AUTS2: variants seen among roughly 807,000 people sequenced by gnomAD.
AUTS2 encodes autism susceptibility gene 2 protein.
AUTS2 carries 17 observed loss-of-function variants against 112.4 expected under a neutral mutation model. The ratio of observed to expected loss-of-function variants is 0.15; its 90% CI spans 0.10 to 0.23. The LOEUF is 0.23. AUTS2 is among the 10% of genes least tolerant of loss of function. The pLI, the probability that AUTS2 is intolerant of heterozygous loss-of-function variation, is 1.00. For missense variants in AUTS2, 1,510 were observed against 1,701.6 expected, an observed-to-expected ratio of 0.89 and a Z score of 1.98; for synonymous variants, 751 against 702.7, an observed-to-expected ratio of 1.07 and a Z score of -1.09.
At chr7:70,434,203 C>T (rs903559648) in intron 4 of AUTS2, among the ~76,000 whole-genome samples, 1 of 152,154 alleles carries the variant, frequency 6.6e-6, no homozygotes, top group Non-Finnish European at 1.5e-5. Context: ...ATCTCATTGG[C>T]CAAAGATGGG....
At chr7:70,461,633 A>G (rs1391701064) in intron 5 of AUTS2, among the ~76,000 whole-genome samples, 1 of 152,214 alleles carries the variant, frequency 6.6e-6, no homozygotes, top group East Asian at 1.9e-4. Context: ...TATGCCAGGA[A>G]TACGTTGCTA....
intron 1 of AUTS2, among the ~76,000 whole-genome samples, chr7:69,787,125 C>G (rs1789412258): frequency 1.3e-5 from 2 of 152,230 alleles, no homozygotes; most frequent in South Asian, 4.1e-4. Context: ...CTTTCCCTCT[C>G]TAATGGTTTT....
At chr7:69,888,005 G>A (rs568971427) in intron 1 of AUTS2, among the ~76,000 whole-genome samples, 14 of 152,126 alleles carry the variant, frequency 9.2e-5, no homozygotes, top group Non-Finnish European at 1.8e-4. Flanking sequence ...GTCTGTTTTT[G>A]TGTTGCTACA....
intron 2 of AUTS2, among the ~76,000 whole-genome samples, chr7:70,085,058 G>C (rs992478403): frequency 6.6e-6 from 1 of 152,018 alleles, no homozygotes; most frequent in Non-Finnish European, 1.5e-5. Flanking sequence ...AAACTTTTTT[G>C]TAGAGATAGG....
intron 4 of AUTS2, among the ~76,000 whole-genome samples, chr7:70,365,472 G>C (rs1792527425): frequency 6.6e-6 from 1 of 152,178 alleles, no homozygotes; most frequent in Admixed American, 6.5e-5. Context: ...ATATTCCAAT[G>C]ACACATATAA....
chr7:69,749,405 C>CT (rs1410573731), intron 1 of AUTS2, among the ~76,000 whole-genome samples: 1 of 152,212 alleles, frequency 6.6e-6, no homozygotes, highest in African/African-American at 2.4e-5. Flanking sequence ...GTTATCATTA[C>CT]TTTATTCCCT....
chr7:70,242,555 C>G (rs569933002), intron 4 of AUTS2, among the ~76,000 whole-genome samples: 29 of 152,298 alleles, frequency 1.9e-4, no homozygotes, highest in Admixed American at 1.7e-3. Context: ...AGTAGGCACT[C>G]AATTACTTCC....
intron 4 of AUTS2, among the ~76,000 whole-genome samples, chr7:70,295,425 T>C (rs1220136583): frequency 6.6e-6 from 1 of 152,244 alleles, no homozygotes; most frequent in African/African-American, 2.4e-5. Flanking sequence ...CTCCTACTGC[T>C]TAAACCTCCG....
chr7:69,880,927 A>AT, intron 1 of AUTS2, among the ~76,000 whole-genome samples: 1 of 152,204 alleles, frequency 6.6e-6, no homozygotes, highest in Non-Finnish European at 1.5e-5. Context: ...TGTCTCTAGA[A>AT]TTATTTGTAT....
At chr7:70,412,275 A>C (rs11972782) in intron 4 of AUTS2, among the ~76,000 whole-genome samples, 69,788 of 151,984 alleles carry the variant, frequency 0.46, 17,274 homozygotes, top group African/African-American at 0.65. Context: ...TTACCAGAAT[A>C]CCTGGGAGCA....
chr7:69,851,277 G>T (rs754687749), intron 1 of AUTS2, among the ~76,000 whole-genome samples: 9 of 152,166 alleles, frequency 5.9e-5, no homozygotes, highest in Non-Finnish European at 1.2e-4. Context: ...AAATCATATA[G>T]AGTGATTCCT....
intron 4 of AUTS2, among the ~76,000 whole-genome samples, chr7:70,343,224 C>T (rs1390884601): frequency 1.3e-5 from 2 of 152,174 alleles, no homozygotes; most frequent in Non-Finnish European, 2.9e-5. Context: ...CTCTCCAGTT[C>T]ACACTGAAAG....
Position 69,902,072 on chromosome 7 carries a change from GT to G in AUTS2, c.522+2583del, listed in dbSNP as rs368479943. ...GTGAAGACATTTATTTATTTTTAATGTTTTTTTTTCTTTAAAATTTTGTTTT... is the reference window on the plus strand; with the variant it reads ...GTGAAGACATTTATTTATTTTTAATGTTTTTTTTCTTTAAAATTTTGTTTT... On this transcript the variant is annotated intron_variant, in intron 2 of 18. Transcript: ENST00000342771. Among the ~76,000 whole-genome samples the G allele has an allele frequency of 3.6e-4, 55 of 151,228 alleles. 1 individual carries two copies. Among genetic ancestry groups the G allele is most frequent in the African/African-American group, 1.0e-3 (42 of 41,266 alleles).
rs900790027 is a variant in AUTS2, at chr7:70,764,794, A to G, written c.1257A>G (p.Pro419=). The change falls in exon 8 of 19, where the codon CCA becomes CCG. Residue 419 remains proline, a synonymous_variant. Transcript: ENST00000342771. Reference sequence around the variant, plus strand: ...CTCCAGCGAAGACTCAGCCCGCCCCACCTCACATCTCCCACCACCCCTCTG... The same window carrying G: ...CTCCAGCGAAGACTCAGCCCGCCCCGCCTCACATCTCCCACCACCCCTCTG... The part of the protein sequence containing the change: ...SSTPAKTQPA[P]PHISHHPSAS... 2.0e-5 allele frequency: 15 copies of G among 741,566 alleles called. No homozygotes were observed. Among genetic ancestry groups the G allele is most frequent in the Non-Finnish European group, 3.4e-5 (15 of 438,506 alleles). 45.9% of individuals were successfully genotyped at this position (741,566 alleles called of 1,614,324 possible). A position where few individuals can be genotyped will look rare whatever the true frequency, so the allele number is the denominator to read the frequency against.
At chr7:70,773,258 C>G (rs1007872861) in intron 11 of AUTS2, among the ~76,000 whole-genome samples, 25 of 152,098 alleles carry the variant, frequency 1.6e-4, no homozygotes, top group Admixed American at 1.4e-3. Context: ...GGGGGGTGTT[C>G]ATAGAAGTTG....
chr7:70,421,088 A>C (rs1012040734), intron 4 of AUTS2, among the ~76,000 whole-genome samples: 3 of 152,174 alleles, frequency 2.0e-5, no homozygotes, highest in Non-Finnish European at 4.4e-5. Flanking sequence ...CCTTTAGCTA[A>C]ATAGGGGTTT....
At chr7:70,497,939 C>G (rs1798621778) in intron 5 of AUTS2, among the ~76,000 whole-genome samples, 1 of 152,110 alleles carries the variant, frequency 6.6e-6, no homozygotes, top group Admixed American at 6.5e-5. Context: ...TCCAAACAGT[C>G]AAGAATCCCT....
intron 4 of AUTS2, among the ~76,000 whole-genome samples, chr7:70,173,039 A>G (rs1194954528): frequency 2.0e-5 from 3 of 152,116 alleles, no homozygotes; most frequent in Admixed American, 6.5e-5. Flanking sequence ...TGGGGTTTCA[A>G]TTTCTTCCTA....
At chr7:70,005,554 G>T (rs762081634) in intron 2 of AUTS2, among the ~76,000 whole-genome samples, 6 of 152,170 alleles carry the variant, frequency 3.9e-5, no homozygotes, top group Non-Finnish European at 8.8e-5. Flanking sequence ...CATCTAGGGG[G>T]CTGTTATAAC....
Sources: gnomAD v4.1 joint callset for allele counts (sites outside exome capture counted in the v4.1 genomes callset) on GRCh38, gnomAD v4.1.1 for gene constraint, MANE v1.5 for transcripts, NCBI Gene and HGNC (gene_info 2026-07-23, HGNC 2026-07-21) for gene names.